The following CDK7 variants were observed in gnomAD, a reference collection of about 807,000 sequenced individuals.
The protein encoded by CDK7 is cyclin-dependent kinase 7.
Under a neutral mutation model 49.1 loss-of-function variants are expected in CDK7, and 25 were observed. The observed-to-expected ratio is 0.51, with a 90% CI of 0.37 to 0.71. The LOEUF is 0.71. CDK7 is among the 30% of genes least tolerant of loss of function. CDK7 has a pLI of 0.00. For synonymous variants in CDK7, 107 were observed against 140.0 expected, an observed-to-expected ratio of 0.76 and a Z score of 1.67; for missense variants, 316 against 411.7, an observed-to-expected ratio of 0.77 and a Z score of 2.01.
intron 4 of CDK7, 57 bp from the exon 5 acceptor site, chr5:69,255,403 C>T: frequency 1.0e-6 from 1 of 975,230 alleles, no homozygotes. Flanking sequence ...GCCTCAGTTG[C>T]TATGATACTG....
At chr5:69,262,668 C>CAAAAAAA (rs35645434) in intron 8 of CDK7, among the ~76,000 whole-genome samples, 1 of 113,514 alleles carries the variant, frequency 8.8e-6, no homozygotes, top group African/African-American at 3.5e-5. Context: ...GGCTCCATCT[C>CAAAAAAA]AAAAAAAAAA....
chr5:69,234,898 A>G lies in CDK7; in HGVS notation c.-78A>G. ...CCCGGTGGACGGAAGTGGGTGTTGGAGGCTTTAAGGTAGCTTTAAATTCGT... is the reference window on the plus strand; with the variant it reads ...CCCGGTGGACGGAAGTGGGTGTTGGGGGCTTTAAGGTAGCTTTAAATTCGT... On this transcript the variant is annotated 5_prime_UTR_variant, in exon 1 of 12. Coordinates refer to ENST00000256443, the MANE Select transcript of CDK7 (RefSeq NM_001799.4). 7.1e-7 allele frequency: 1 copy of G among 1,401,144 alleles called. No individual in the cohort carries two copies. The highest frequency in any genetic ancestry group is 9.9e-7 in the Non-Finnish European group (1 of 1,011,124). 86.8% of individuals were successfully genotyped at this position (1,401,144 alleles called of 1,614,324 possible). A position where few individuals can be genotyped will look rare whatever the true frequency, so the allele number is the denominator to read the frequency against.
At chr5:69,267,327 G>A (rs1189273090) in intron 8 of CDK7, among the ~76,000 whole-genome samples, 1 of 105,438 alleles carries the variant, frequency 9.5e-6, no homozygotes, top group African/African-American at 3.6e-5. Flanking sequence ...TTTTGAGACA[G>A]AGTCTTTGTC....
intron 8 of CDK7, among the ~76,000 whole-genome samples, chr5:69,262,658 G>A (rs978788858): frequency 5.6e-5 from 8 of 143,832 alleles, no homozygotes; most frequent in Middle Eastern, 7.0e-3. Context: ...AACAGAGCAA[G>A]GCTCCATCTC....
At chr5:69,264,260 T>A (rs968604658) in intron 8 of CDK7, among the ~76,000 whole-genome samples, 1 of 152,112 alleles carries the variant, frequency 6.6e-6, no homozygotes. Flanking sequence ...CATACTTTTT[T>A]AAAAGGGGAA....
chr5:69,276,496 T>C, intron 10 of CDK7, 47 bp from the exon 11 acceptor site: 2 of 1,569,764 alleles, frequency 1.3e-6, no homozygotes, highest in Non-Finnish European at 1.8e-6. Context: ...CCTTAACACA[T>C]TTCAGATACT....
At chr5:69,254,834 A>G (rs1750385504) in intron 4 of CDK7, among the ~76,000 whole-genome samples, 165 bp downstream of exon 4, 1 of 152,244 alleles carries the variant, frequency 6.6e-6, no homozygotes, top group Non-Finnish European at 1.5e-5. Context: ...ATTGTCTTCA[A>G]AACTATACCA....
intron 2 of CDK7, 102 bp from the exon 3 acceptor site, chr5:69,252,316 T>G (rs1283063452): frequency 6.3e-5 from 48 of 756,738 alleles, no homozygotes; most frequent in Non-Finnish European, 2.0e-5. Context: ...TAATTGTTTT[T>G]TTTTCTGTGG....
chr5:69,238,391 C>T (rs1561342350), intron 2 of CDK7, among the ~76,000 whole-genome samples: 1 of 150,968 alleles, frequency 6.6e-6, no homozygotes, highest in African/African-American at 2.4e-5. Context: ...CTCAAGCATT[C>T]CATCTGCTTC....
chr5:69,250,781 C>T, intron 2 of CDK7: 1 of 456,666 alleles, frequency 2.2e-6, no homozygotes, highest in Non-Finnish European at 4.4e-6. Flanking sequence ...TGTGAATGTG[C>T]TGTGTCATAC....
At chr5:69,242,793 C>T (rs554889899) in intron 2 of CDK7, among the ~76,000 whole-genome samples, 55 of 152,168 alleles carry the variant, frequency 3.6e-4, no homozygotes, top group Non-Finnish European at 7.6e-4. Context: ...TGTCTGTAAT[C>T]CCAGCACTTT....
chr5:69,262,402 C>T (rs1001894118), intron 8 of CDK7, 98 bp downstream of exon 8: 2 of 1,508,952 alleles, frequency 1.3e-6, no homozygotes, highest in Non-Finnish European at 1.8e-6. Context: ...GGCATGGTGG[C>T]TCACGCCTGT....
At chr5:69,258,341 T>C (rs1295057850) in intron 6 of CDK7, among the ~76,000 whole-genome samples, 188 bp downstream of exon 6, 1 of 152,018 alleles carries the variant, frequency 6.6e-6, no homozygotes, top group Non-Finnish European at 1.5e-5. Flanking sequence ...CATATTACTT[T>C]GTGAAATTTA....
intron 8 of CDK7, among the ~76,000 whole-genome samples, chr5:69,265,219 C>T (rs1020043553): frequency 3.3e-5 from 5 of 151,602 alleles, no homozygotes; most frequent in African/African-American, 9.7e-5. Context: ...GAGCCAAGAT[C>T]GCACCACTGC....
At chr5:69,255,430 G>C (rs767866698) in intron 4 of CDK7, 30 bp from the exon 5 acceptor site, 214 of 1,366,208 alleles carry the variant, frequency 1.6e-4, no homozygotes, top group Middle Eastern at 4.8e-4. Context: ...ATTAAATAGT[G>C]AATCACATTT....
At chr5:69,245,294 C>CCCGTCCTCCCTCCT (rs1749668219) in intron 2 of CDK7, among the ~76,000 whole-genome samples, 2 of 43,028 alleles carry the variant, frequency 4.6e-5, no homozygotes, top group Admixed American at 2.7e-4. Flanking sequence ...TTTCCCCTCC[C>CCCGTCCTCCCTCCT]TTCCCCCTCC....
intron 2 of CDK7, among the ~76,000 whole-genome samples, chr5:69,251,635 A>G (rs1750152473): frequency 6.6e-6 from 1 of 151,962 alleles, no homozygotes; most frequent in South Asian, 2.1e-4. Flanking sequence ...GGCTCAAGCA[A>G]TCCTCCTGCT....
At chr5:69,253,759 A>G (rs976137640) in intron 3 of CDK7, among the ~76,000 whole-genome samples, 3 of 152,170 alleles carry the variant, frequency 2.0e-5, no homozygotes, top group African/African-American at 7.2e-5. Flanking sequence ...ATAAGGTGAA[A>G]TATTTTTCAC....
intron 2 of CDK7, among the ~76,000 whole-genome samples, chr5:69,250,090 T>C (rs930025867): frequency 6.6e-6 from 1 of 152,228 alleles, no homozygotes; most frequent in Admixed American, 6.5e-5. Context: ...ATTTAGTTCA[T>C]TTGGTGAGGG....
Sources: allele counts gnomAD v4.1 joint callset (sites outside exome capture counted in the v4.1 genomes callset), GRCh38; gene constraint gnomAD v4.1.1; transcripts MANE v1.5; gene names NCBI Gene and HGNC (gene_info 2026-07-23, HGNC 2026-07-21).